The following ADGRL3 variants were observed in gnomAD, a reference collection of about 807,000 sequenced individuals.
ADGRL3 encodes adhesion G protein-coupled receptor L3.
Under a neutral mutation model 153.5 loss-of-function variants are expected in ADGRL3, and 62 were observed. The ratio of observed to expected loss-of-function variants is 0.40; its 90% CI spans 0.33 to 0.50. The LOEUF is 0.50. Ranked by LOEUF, ADGRL3 falls within the 20% of genes least tolerant of loss-of-function variation. ADGRL3 has a pLI of 0.47. For synonymous variants in ADGRL3, 710 were observed against 672.5 expected, an observed-to-expected ratio of 1.06 and a Z score of -0.86; for missense variants, 1,641 against 1,859.4, an observed-to-expected ratio of 0.88 and a Z score of 2.16.
At chr4:61,571,241 G>A (rs1427262119) in intron 4 of ADGRL3, among the ~76,000 whole-genome samples, 4 of 151,914 alleles carry the variant, frequency 2.6e-5, no homozygotes, top group Non-Finnish European at 5.9e-5. Context: ...TTGGGAGGCT[G>A]AGGCAGGAGG....
chr4:61,711,458 T>TTATATA (rs1167827672), intron 6 of ADGRL3, among the ~76,000 whole-genome samples: 1,009 of 34,644 alleles, frequency 0.029, 46 homozygotes, highest in Middle Eastern at 0.14. Context: ...ATATGCTTCA[T>TTATATA]TATATATATA....
Position 61,672,972 on chromosome 4 carries a change from T to C in ADGRL3, c.474-3854T>C, listed in dbSNP as rs148542770. On this transcript the variant is annotated intron_variant, in intron 5 of 26. Transcript: ENST00000683033. Reference sequence around the variant, plus strand: ...AGATAAAAAGTAAATGTGGTATACATAAATATATAATGGAATATTATTCAG... The same window carrying C: ...AGATAAAAAGTAAATGTGGTATACACAAATATATAATGGAATATTATTCAG... Among the ~76,000 whole-genome samples, 698 of 152,062 alleles carry C rather than the reference T, an allele frequency of 4.6e-3. 13 individuals are homozygous for C. The highest frequency in any genetic ancestry group is 2.2e-3 in the Non-Finnish European group (151 of 67,868).
At chr4:61,487,855 T>C (rs2098214482) in intron 2 of ADGRL3, among the ~76,000 whole-genome samples, 1 of 152,032 alleles carries the variant, frequency 6.6e-6, no homozygotes. Flanking sequence ...GTTTTAATTA[T>C]TGGGGAGTCA....
Position 61,617,417 on chromosome 4 carries a change from G to A in ADGRL3, c.473+29977G>A, listed in dbSNP as rs531362751. Among the ~76,000 whole-genome samples the A allele has an allele frequency of 4.0e-5, 6 of 151,832 alleles. No homozygotes were observed. The South Asian group carries it at 1.3e-3, about 32-fold the overall frequency. Reference sequence around the variant, plus strand: ...CTTTTTTGCACATTTCCTTAAGCATGGTAAAGTAAAAAAAACTTGCTTACT... The same window carrying A: ...CTTTTTTGCACATTTCCTTAAGCATAGTAAAGTAAAAAAAACTTGCTTACT... On this transcript the variant is annotated intron_variant, in intron 5 of 26. Transcript: ENST00000683033.
chr4:61,742,675 T>G (rs1000137850), intron 8 of ADGRL3, among the ~76,000 whole-genome samples: 2 of 152,210 alleles, frequency 1.3e-5, no homozygotes, highest in Non-Finnish European at 2.9e-5. Flanking sequence ...TCCTTCTTAA[T>G]AACTACTTTA....
At chr4:61,822,912 G>T (rs1382518128) in intron 9 of ADGRL3, among the ~76,000 whole-genome samples, 1 of 152,176 alleles carries the variant, frequency 6.6e-6, no homozygotes, top group Admixed American at 6.5e-5. Flanking sequence ...CTTCAGGTTT[G>T]ATGTGACTGG....
chr4:61,561,192 G>T (rs2098793590), intron 4 of ADGRL3, among the ~76,000 whole-genome samples: 1 of 152,024 alleles, frequency 6.6e-6, no homozygotes, highest in Non-Finnish European at 1.5e-5. Context: ...TACCTTATTT[G>T]GTAGAAGATA....
chr4:61,987,414 A>T lies in ADGRL3; in HGVS notation c.3236+3811A>T, dbSNP rs1324832671. Among the ~76,000 whole-genome samples the T allele has an allele frequency of 3.9e-5, 6 of 152,088 alleles. No individual in the cohort carries two copies. In the South Asian group the frequency reaches 1.2e-3, roughly 32 times the overall value. On this transcript the variant is annotated intron_variant, in intron 19 of 26. Coordinates refer to ENST00000683033, the MANE Select transcript of ADGRL3 (RefSeq NM_001387552.1). ...GGTCTCGAACTCCCAACCTCAGGTG[A>T]TCTGCCAGCCTTGTCCTGCCAAAGT...
chr4:62,035,087 T>C (rs979666504), intron 23 of ADGRL3, among the ~76,000 whole-genome samples: 7 of 152,000 alleles, frequency 4.6e-5, no homozygotes, highest in African/African-American at 1.7e-4. Context: ...TAAAAAATGT[T>C]TCCTGGACAT....
intron 1 of ADGRL3, among the ~76,000 whole-genome samples, chr4:61,346,020 C>T (rs1468322015): frequency 6.6e-6 from 1 of 152,060 alleles, no homozygotes; most frequent in African/African-American, 2.4e-5. Flanking sequence ...TTAGTACATT[C>T]GAGGCCCAGC....
Position 61,971,842 on chromosome 4 carries a change from C to T in ADGRL3, c.2806-7721C>T, listed in dbSNP as rs1446071448. 5.9e-5 allele frequency among the ~76,000 whole-genome samples: 9 copies of T among 152,066 alleles called. 1 individual carries two copies. The highest frequency in any genetic ancestry group is 2.1e-4 in the South Asian group (1 of 4,822). ...TGTTGTTTCCTGACTTTTTAATGATCGCCATTCTAATTGGTGTGAGATGGT... is the reference window on the plus strand; with the variant it reads ...TGTTGTTTCCTGACTTTTTAATGATTGCCATTCTAATTGGTGTGAGATGGT... On this transcript the variant is annotated intron_variant, in intron 17 of 26. Coordinates refer to ENST00000683033, the MANE Select transcript of ADGRL3 (RefSeq NM_001387552.1).
At chr4:61,381,449 C>G (rs1463771044) in intron 1 of ADGRL3, among the ~76,000 whole-genome samples, 1 of 151,678 alleles carries the variant, frequency 6.6e-6, no homozygotes, top group Non-Finnish European at 1.5e-5. Context: ...TCTCTGTTCT[C>G]TAGCAATTCA....
At chr4:61,762,297 TAAA>T (rs1344515675) in intron 8 of ADGRL3, among the ~76,000 whole-genome samples, 1 of 152,146 alleles carries the variant, frequency 6.6e-6, no homozygotes, top group African/African-American at 2.4e-5. Context: ...AAATACAACT[TAAA>T]GAAGGTTAAG....
intron 3 of ADGRL3, among the ~76,000 whole-genome samples, chr4:61,504,126 A>G (rs770193600): frequency 6.6e-6 from 1 of 152,040 alleles, no homozygotes; most frequent in Non-Finnish European, 1.5e-5. Context: ...CCAAGTGGCT[A>G]GGACCACAGG....
chr4:61,606,875 T>C (rs1340406500), intron 5 of ADGRL3, among the ~76,000 whole-genome samples: 1 of 151,682 alleles, frequency 6.6e-6, no homozygotes, highest in Non-Finnish European at 1.5e-5. Context: ...TATGAGAGGA[T>C]TGATTTAGGG....
chr4:62,022,529 T>C (rs1441790438), intron 21 of ADGRL3, among the ~76,000 whole-genome samples: 1 of 152,174 alleles, frequency 6.6e-6, no homozygotes. Context: ...TGGAACTTTA[T>C]TAGCTAGAGA....
chr4:61,902,640 G>C (rs1189213935), intron 11 of ADGRL3, among the ~76,000 whole-genome samples: 1 of 151,984 alleles, frequency 6.6e-6, no homozygotes, highest in Non-Finnish European at 1.5e-5. Flanking sequence ...CCTTTGTGCA[G>C]TTTCTCTAAG....
At position 61,892,787 on chromosome 4, in the gene ADGRL3, C is replaced by A. The variant is rs752311800; in HGVS notation, c.1612C>A (p.Pro538Thr). The change falls in exon 10 of 27, where the codon CCA becomes ACA. Residue 538 changes from proline to threonine, a missense_variant. Around this residue, in one of 5 missense-constraint regions of ADGRL3, gnomAD observed 734 missense variants for 797.0 expected, o/e 0.92. Coordinates refer to ENST00000683033, the MANE Select transcript of ADGRL3 (RefSeq NM_001387552.1). Reference sequence around the variant, plus strand: ...AAGAAGAAACCGGAGTACTAGTACCCCATCTCCAGCTGTCGAGGTACTTGA... The same window carrying A: ...AAGAAGAAACCGGAGTACTAGTACCACATCTCCAGCTGTCGAGGTACTTGA... Reference protein sequence around the residue: ...SGRRNRSTSTPSPAVEVLDDM... With the variant: ...SGRRNRSTSTTSPAVEVLDDM... 10 of 1,613,844 alleles carry A rather than the reference C, an allele frequency of 6.2e-6. No individual in the cohort carries two copies. Among genetic ancestry groups the A allele is most frequent in the Non-Finnish European group, 8.5e-6 (10 of 1,179,866 alleles).
chr4:61,758,007 CT>C (rs2096859153), intron 8 of ADGRL3, among the ~76,000 whole-genome samples: 3 of 152,236 alleles, frequency 2.0e-5, no homozygotes, highest in Admixed American at 2.0e-4. Flanking sequence ...AATTTCTGTT[CT>C]TTTACATTTG....
Sources: gnomAD v4.1 joint callset for allele counts (sites outside exome capture counted in the v4.1 genomes callset) on GRCh38, gnomAD v4.1.1 for gene constraint, gnomAD v4.1.1 regional missense constraint, MANE v1.5 for transcripts, NCBI Gene and HGNC (gene_info 2026-07-23, HGNC 2026-07-21) for gene names.